The following PTPRD variants were observed in gnomAD, a reference collection of about 807,000 sequenced individuals.
The protein encoded by PTPRD is receptor-type tyrosine-protein phosphatase delta.
PTPRD carries 34 observed loss-of-function variants against 214.5 expected under a neutral mutation model. The observed-to-expected ratio is 0.16, with a 90% CI of 0.12 to 0.21. The LOEUF is 0.21. Ranked by LOEUF, PTPRD falls within the 10% of genes least tolerant of loss-of-function variation. PTPRD has a pLI of 1.00. For synonymous variants in PTPRD, 1,128 were observed against 845.7 expected, an observed-to-expected ratio of 1.33 and a Z score of -5.79; for missense variants, 2,545 against 2,398.7, an observed-to-expected ratio of 1.06 and a Z score of -1.27.
At chr9:9,614,691 AT>A (rs2094745904) in intron 7 of PTPRD, among the ~76,000 whole-genome samples, 1 of 152,178 alleles carries the variant, frequency 6.6e-6, no homozygotes, top group African/African-American at 2.4e-5. Context: ...CATGATGCTG[AT>A]AGATATTCAT....
At chr9:10,176,399 TC>T (rs931010759) in intron 3 of PTPRD, among the ~76,000 whole-genome samples, 1 of 151,740 alleles carries the variant, frequency 6.6e-6, no homozygotes, top group African/African-American at 2.4e-5. Context: ...CTAAACCAAA[TC>T]ACTCAGATTA....
intron 21 of PTPRD, among the ~76,000 whole-genome samples, chr9:8,513,540 G>C (rs2097723593): frequency 6.6e-6 from 1 of 152,028 alleles, no homozygotes; most frequent in Non-Finnish European, 1.5e-5. Context: ...ACATTTCTGT[G>C]TATTTGTATT....
intron 7 of PTPRD, among the ~76,000 whole-genome samples, chr9:9,585,926 G>A (rs1007706282): frequency 5.3e-5 from 8 of 152,038 alleles, no homozygotes; most frequent in Non-Finnish European, 1.0e-4. Context: ...AGGCTAACCA[G>A]AAGTAGAGCA....
At chr9:8,543,794 C>A (rs1257724417) in intron 14 of PTPRD, among the ~76,000 whole-genome samples, 1 of 152,068 alleles carries the variant, frequency 6.6e-6, no homozygotes, top group Admixed American at 6.6e-5. Context: ...CTCACTGCAA[C>A]CTCTGCCTCC....
intron 35 of PTPRD, among the ~76,000 whole-genome samples, chr9:8,409,981 G>C (rs2093380911): frequency 6.6e-6 from 1 of 152,122 alleles, no homozygotes; most frequent in Admixed American, 6.5e-5. Flanking sequence ...GGCTCATTTG[G>C]TTCTTAGTGT....
At chr9:10,350,960 A>G (rs1472991525) in intron 2 of PTPRD, among the ~76,000 whole-genome samples, 2 of 152,178 alleles carry the variant, frequency 1.3e-5, no homozygotes, top group African/African-American at 4.8e-5. Context: ...ACAGTGAGCT[A>G]TGATAATAGC....
At chr9:8,752,133 G>A (rs2093597635) in intron 11 of PTPRD, among the ~76,000 whole-genome samples, 1 of 152,188 alleles carries the variant, frequency 6.6e-6, no homozygotes, top group Admixed American at 6.5e-5. Context: ...TGGGTAAAAT[G>A]AGGCTGAGAC....
At chr9:10,174,703 A>G (rs933988693) in intron 3 of PTPRD, among the ~76,000 whole-genome samples, 1 of 152,032 alleles carries the variant, frequency 6.6e-6, no homozygotes, top group Non-Finnish European at 1.5e-5. Context: ...AAGTGCATAT[A>G]TATACATATA....
chr9:8,344,839 A>C (rs908079151), intron 39 of PTPRD, among the ~76,000 whole-genome samples: 9 of 151,914 alleles, frequency 5.9e-5, no homozygotes, highest in African/African-American at 2.2e-4. Context: ...GTTAACTCTT[A>C]TTAACGTTAA....
At chr9:10,434,090 T>C (rs1464991277) in intron 2 of PTPRD, among the ~76,000 whole-genome samples, 2 of 151,976 alleles carry the variant, frequency 1.3e-5, no homozygotes, top group Non-Finnish European at 2.9e-5. Flanking sequence ...CTTAATGCCC[T>C]TGACTACATC....
chr9:8,839,295 G>A (rs9918963), intron 11 of PTPRD, among the ~76,000 whole-genome samples: 18,612 of 143,262 alleles, frequency 0.13, 1,375 homozygotes, highest in East Asian at 0.28. Context: ...GATTGACCAA[G>A]GGGATTTTAT....
chr9:8,881,741 G>A (rs10815983), intron 11 of PTPRD, among the ~76,000 whole-genome samples: 78,128 of 151,960 alleles, frequency 0.51, 20,259 homozygotes, highest in South Asian at 0.64. Context: ...AATGGAAGAA[G>A]CAGCGGAGAA....
At position 8,794,599 on chromosome 9, in the gene PTPRD, C is replaced by T. The variant is rs572401777; in HGVS notation, c.-103-60653G>A. On this transcript the variant is annotated intron_variant, in intron 11 of 45. Transcript: ENST00000381196. ...GCTCAAGCAATCCTCCTGTCTTAGC[C>T]TCCCAAGTAGCTGGAGCTACAGGCA... is the stretch of plus-strand genomic sequence containing the variant. Among the ~76,000 whole-genome samples the T allele has an allele frequency of 7.9e-5, 12 of 151,370 alleles. No individual in the cohort carries two copies. The South Asian group carries it at 2.5e-3, about 32-fold the overall frequency.
At chr9:10,554,868 G>C (rs2062138134) in intron 2 of PTPRD, among the ~76,000 whole-genome samples, 1 of 152,060 alleles carries the variant, frequency 6.6e-6, no homozygotes, top group African/African-American at 2.4e-5. Flanking sequence ...CACTGTGTTA[G>C]CCAGGATGGT....
chr9:9,940,544 A>T (rs1004264024), intron 4 of PTPRD, among the ~76,000 whole-genome samples: 4 of 152,210 alleles, frequency 2.6e-5, no homozygotes, highest in African/African-American at 7.2e-5. Flanking sequence ...GATAACTTTT[A>T]TAAATCTTGA....
intron 7 of PTPRD, among the ~76,000 whole-genome samples, chr9:9,583,136 C>G (rs2154316388): frequency 6.6e-6 from 1 of 151,998 alleles, no homozygotes; most frequent in East Asian, 1.9e-4. Context: ...CTCACAAAAT[C>G]CAAAATGTCA....
At chr9:9,324,103 G>C (rs1447339678) in intron 9 of PTPRD, among the ~76,000 whole-genome samples, 1 of 152,132 alleles carries the variant, frequency 6.6e-6, no homozygotes, top group East Asian at 1.9e-4. Context: ...TGGACATTTG[G>C]GTTGGTTCCA....
At chr9:8,961,790 T>A (rs2099160191) in intron 11 of PTPRD, among the ~76,000 whole-genome samples, 1 of 152,132 alleles carries the variant, frequency 6.6e-6, no homozygotes, top group Non-Finnish European at 1.5e-5. Flanking sequence ...CATCTGGCAC[T>A]GTTTGAAACA....
intron 6 of PTPRD, among the ~76,000 whole-genome samples, chr9:9,756,395 T>C (rs2098578447): frequency 6.6e-6 from 1 of 152,130 alleles, no homozygotes; most frequent in South Asian, 2.1e-4. Context: ...TTGTAACATT[T>C]ATTCAGTTTT....
Sources: allele counts gnomAD v4.1 joint callset (sites outside exome capture counted in the v4.1 genomes callset), GRCh38; gene constraint gnomAD v4.1.1; transcripts MANE v1.5; gene names NCBI Gene and HGNC (gene_info 2026-07-23, HGNC 2026-07-21).